PRR16: variants seen among roughly 807,000 people sequenced by gnomAD.
PRR16 encodes the protein protein Largen.
A neutral mutation model predicts 18.2 loss-of-function variants in PRR16; 6 were observed. The ratio of observed to expected loss-of-function variants is 0.33; its 90% CI spans 0.18 to 0.65. The LOEUF (loss-of-function observed/expected upper bound fraction) is 0.65, where lower values mean the gene tolerates loss of function less well. Among genes scored for constraint, PRR16 ranks in the 30% least tolerant of loss-of-function variants. The probability of loss-of-function intolerance (pLI) is 0.74; values close to 1 mark genes in which losing one functional copy is unlikely to be tolerated. For synonymous variants in PRR16, 151 were observed against 147.8 expected (o/e 1.02, Z -0.16); for missense variants, 412 against 376.6 (o/e 1.09, Z -0.78).
chr5:120,568,852 A>G (rs1752816054), intron 1 of PRR16, among the ~76,000 whole-genome samples: 1 of 152,136 alleles, frequency 6.6e-6, no homozygotes, highest in Non-Finnish European at 1.5e-5. Context: ...AAATGAATTT[A>G]GCTAAATTTA....
the PRR16 span, among the ~76,000 whole-genome samples, chr5:120,785,001 A>T: frequency 6.6e-6 from 1 of 152,218 alleles, no homozygotes; most frequent in Non-Finnish European, 1.5e-5. Flanking sequence ...CTATTAGATG[A>T]AACCAGTAAC....
intron 1 of PRR16, among the ~76,000 whole-genome samples, chr5:120,480,708 C>A (rs1021320535): frequency 6.6e-6 from 1 of 152,048 alleles, no homozygotes; most frequent in African/African-American, 2.4e-5. Flanking sequence ...AACAGAGTTG[C>A]AGAGAGCAAG....
At chr5:120,537,773 T>A (rs76433234) in intron 1 of PRR16, among the ~76,000 whole-genome samples, 74,252 of 118,760 alleles carry the variant, frequency 0.63, 23,146 homozygotes, top group East Asian at 0.76. Flanking sequence ...TTTAATGTTT[T>A]TTTTTTTTTT....
chr5:120,777,838 CTA>C, the PRR16 span, among the ~76,000 whole-genome samples: 3 of 152,016 alleles, frequency 2.0e-5, no homozygotes, highest in African/African-American at 4.8e-5. Flanking sequence ...ATCATACGTG[CTA>C]TATGTTTGCA....
At chr5:120,529,779 T>C (rs1397066533) in intron 1 of PRR16, among the ~76,000 whole-genome samples, 1 of 152,130 alleles carries the variant, frequency 6.6e-6, no homozygotes. Context: ...TAACCCCTTT[T>C]ATTGGTTTGT....
rs1580733855 is a variant in PRR16 at position 120,568,413 on chromosome 5, G to A, written c.159+103768G>A. ...AACTTAATGTCATTGTTTATGATCA[G>A]GGATATGAGATATTTATGGGAAAGA... On this transcript the variant is annotated intron_variant, in intron 1 of 1. Coordinates refer to ENST00000407149, the MANE Select transcript of PRR16 (RefSeq NM_001300783.2). 8.5e-5 allele frequency among the ~76,000 whole-genome samples: 13 copies of A among 152,186 alleles called. No individual in the cohort carries two copies. In the South Asian group the frequency reaches 2.7e-3, roughly 32 times the overall value.
intron 1 of PRR16, among the ~76,000 whole-genome samples, chr5:120,640,354 C>G (rs562898463): frequency 3.2e-4 from 48 of 152,182 alleles, no homozygotes; most frequent in Middle Eastern, 3.4e-3. Flanking sequence ...GAATTTAAAT[C>G]TGTGACCTAC....
At chr5:120,477,896 C>T (rs1749494893) in intron 1 of PRR16, among the ~76,000 whole-genome samples, 1 of 152,240 alleles carries the variant, frequency 6.6e-6, no homozygotes, top group African/African-American at 2.4e-5. Flanking sequence ...TCAAACTTTG[C>T]TCCAGTGGCA....
the PRR16 span, among the ~76,000 whole-genome samples, chr5:120,702,681 G>T: frequency 6.6e-6 from 1 of 152,164 alleles, no homozygotes; most frequent in African/African-American, 2.4e-5. Context: ...GATAAAACGT[G>T]TCTTCTTTGT....
intron 1 of PRR16, among the ~76,000 whole-genome samples, chr5:120,471,917 A>T (rs1386415773): frequency 6.6e-6 from 1 of 152,156 alleles, no homozygotes; most frequent in African/African-American, 2.4e-5. Context: ...TGTCTTGCTT[A>T]TATGGGATAA....
chr5:120,743,143 C>T, the PRR16 span, among the ~76,000 whole-genome samples: 1 of 152,176 alleles, frequency 6.6e-6, no homozygotes, highest in African/African-American at 2.4e-5. Context: ...ATTATTCCAA[C>T]TCCCACACTC....
chr5:120,488,133 G>A (rs1446296269), intron 1 of PRR16, among the ~76,000 whole-genome samples: 1 of 152,134 alleles, frequency 6.6e-6, no homozygotes, highest in Non-Finnish European at 1.5e-5. Flanking sequence ...TCTCTGCCCG[G>A]CTTTGGTATC....
chr5:120,474,346 C>A (rs10055630), intron 1 of PRR16, among the ~76,000 whole-genome samples: 2,239 of 152,088 alleles, frequency 0.015, 63 homozygotes, highest in African/African-American at 0.051. Flanking sequence ...AACTAGATGC[C>A]AGTAGCAACC....
intron 1 of PRR16, among the ~76,000 whole-genome samples, chr5:120,508,133 TAC>T (rs1750705669): frequency 6.6e-6 from 1 of 152,134 alleles, no homozygotes. Flanking sequence ...CAGCTGCACA[TAC>T]CTTTCCTCTT....
the PRR16 span, among the ~76,000 whole-genome samples, chr5:120,730,851 TC>T: frequency 6.6e-6 from 1 of 152,144 alleles, no homozygotes; most frequent in Non-Finnish European, 1.5e-5. Context: ...CACTACCACA[TC>T]ATCTATGTTT....
chr5:120,623,804 A>G (rs984745663), intron 1 of PRR16, among the ~76,000 whole-genome samples: 5 of 152,116 alleles, frequency 3.3e-5, no homozygotes, highest in Non-Finnish European at 5.9e-5. Flanking sequence ...TTAAAATTTG[A>G]TAACTACTGA....
chr5:120,612,653 A>G (rs1377649831), intron 1 of PRR16, among the ~76,000 whole-genome samples: 9 of 152,132 alleles, frequency 5.9e-5, no homozygotes, highest in South Asian at 2.1e-4. Context: ...ATGTAGAACT[A>G]TAAGTCCAAT....
At chr5:120,787,612 G>A in the PRR16 span, among the ~76,000 whole-genome samples, 2 of 152,046 alleles carry the variant, frequency 1.3e-5, no homozygotes, top group Non-Finnish European at 2.9e-5. Context: ...TTGAATGCAT[G>A]GTAATTGAAT....
At chr5:120,753,884 AT>A in the PRR16 span, among the ~76,000 whole-genome samples, 1 of 127,904 alleles carries the variant, frequency 7.8e-6, no homozygotes, top group African/African-American at 2.9e-5. Flanking sequence ...ATATTTATAT[AT>A]TATATATAAT....
Sources: gnomAD v4.1 joint callset for allele counts (sites outside exome capture counted in the v4.1 genomes callset) on GRCh38, gnomAD v4.1.1 for gene constraint, MANE v1.5 for transcripts, NCBI Gene and HGNC (gene_info 2026-07-23, HGNC 2026-07-21) for gene names.